The following CTNNA3 variants were observed in gnomAD, a reference collection of about 807,000 sequenced individuals.
The protein encoded by CTNNA3 is catenin alpha 3, also known as catenin alpha-3.
CTNNA3 carries 76 observed loss-of-function variants against 95.7 expected under a neutral mutation model. The ratio of observed to expected loss-of-function variants is 0.79; its 90% CI spans 0.66 to 0.96. CTNNA3 has a LOEUF of 0.96. Among genes scored for constraint, CTNNA3 ranks in the 40% least tolerant of loss-of-function variants. The pLI is 0.00. For missense variants in CTNNA3, 1,191 were observed against 1,089.8 expected (o/e 1.09, Z -1.31); for synonymous variants, 431 against 374.4 (o/e 1.15, Z -1.74).
At chr10:67,327,410 T>C (rs1841583117) in intron 5 of CTNNA3, among the ~76,000 whole-genome samples, 1 of 152,240 alleles carries the variant, frequency 6.6e-6, no homozygotes, top group Non-Finnish European at 1.5e-5. Context: ...TTTTTCCTTT[T>C]ATCCTATTTG....
At chr10:67,034,930 C>A (rs1203245429) in intron 7 of CTNNA3, among the ~76,000 whole-genome samples, 1 of 152,138 alleles carries the variant, frequency 6.6e-6, no homozygotes, top group Non-Finnish European at 1.5e-5. Context: ...TTTCTTCTGG[C>A]CTTCTTACTG....
At chr10:67,443,232 T>A (rs1163159403) in intron 5 of CTNNA3, among the ~76,000 whole-genome samples, 1 of 151,338 alleles carries the variant, frequency 6.6e-6, no homozygotes, top group African/African-American at 2.4e-5. Flanking sequence ...TCTTTGCTAT[T>A]GTGAAGAGTG....
intron 12 of CTNNA3, among the ~76,000 whole-genome samples, chr10:66,306,766 T>G (rs2091940362): frequency 1.3e-5 from 2 of 152,058 alleles, no homozygotes; most frequent in African/African-American, 4.8e-5. Flanking sequence ...ATAGTGGAGT[T>G]AAGAAAAAAA....
chr10:67,353,163 G>A (rs903983233), intron 5 of CTNNA3, among the ~76,000 whole-genome samples: 1 of 151,990 alleles, frequency 6.6e-6, no homozygotes, highest in African/African-American at 2.4e-5. Context: ...TCCACAAAAT[G>A]TAGATGATAG....
chr10:65,973,166 G>T (rs1239832103), intron 16 of CTNNA3, among the ~76,000 whole-genome samples: 1 of 152,038 alleles, frequency 6.6e-6, no homozygotes, highest in East Asian at 1.9e-4. Flanking sequence ...GAATTAAACT[G>T]GACCCCTATT....
chr10:67,094,797 A>G (rs1021126465), intron 7 of CTNNA3, among the ~76,000 whole-genome samples: 11 of 151,774 alleles, frequency 7.2e-5, no homozygotes, highest in African/African-American at 2.7e-4. Context: ...TTACCTGAAC[A>G]CAATTTGAAA....
intron 7 of CTNNA3, among the ~76,000 whole-genome samples, chr10:66,860,032 G>A (rs1446388903): frequency 3.9e-5 from 4 of 101,884 alleles, no homozygotes; most frequent in Non-Finnish European, 7.7e-5. Flanking sequence ...GGGGGGAGGG[G>A]GGAGGGATAG....
intron 7 of CTNNA3, among the ~76,000 whole-genome samples, chr10:66,902,390 TG>T (rs1459435304): frequency 6.6e-6 from 1 of 152,084 alleles, no homozygotes; most frequent in Non-Finnish European, 1.5e-5. Context: ...AGTATGTAGA[TG>T]GAAATTTATA....
intron 3 of CTNNA3, among the ~76,000 whole-genome samples, chr10:67,595,547 T>C (rs1291445574): frequency 2.0e-5 from 3 of 152,146 alleles, no homozygotes; most frequent in African/African-American, 4.8e-5. Flanking sequence ...AATTGCTTTA[T>C]AGCTGAGCAT....
At chr10:67,115,272 G>T (rs1859116927) in intron 7 of CTNNA3, among the ~76,000 whole-genome samples, 1 of 151,290 alleles carries the variant, frequency 6.6e-6, no homozygotes, top group East Asian at 2.0e-4. Context: ...ATAAAAATGA[G>T]ATAGACAGAT....
intron 12 of CTNNA3, among the ~76,000 whole-genome samples, chr10:66,344,284 G>T (rs1668609488): frequency 1.3e-5 from 2 of 149,930 alleles, no homozygotes; most frequent in Admixed American, 1.3e-4. Context: ...TTGTTTGTTT[G>T]AGAAAGAGTC....
rs186925264 is a variant in CTNNA3 at position 66,866,354 on chromosome 10, T to C, written c.1048-90830A>G. Among the ~76,000 whole-genome samples, 4 of 152,356 alleles carry C rather than the reference T, an allele frequency of 2.6e-5. No individual in the cohort carries two copies. In the East Asian group the frequency reaches 7.7e-4, roughly 29 times the overall value. ...ATCTCTGAAGAAAGAGATTAGGTCT[T>C]CACCTTTGCATCCTCCACTAGAGCT... On this transcript the variant is annotated intron_variant, in intron 7 of 17. Coordinates refer to ENST00000433211, the MANE Select transcript of CTNNA3 (RefSeq NM_013266.4).
At chr10:66,813,974 T>C (rs10997394) in intron 7 of CTNNA3, among the ~76,000 whole-genome samples, 79,144 of 151,830 alleles carry the variant, frequency 0.52, 21,786 homozygotes, top group East Asian at 0.76. Flanking sequence ...GGCAGTGACA[T>C]TGGAGACAAA....
chr10:67,276,867 T>C (rs571205991), intron 5 of CTNNA3, among the ~76,000 whole-genome samples: 23 of 151,914 alleles, frequency 1.5e-4, no homozygotes, highest in Admixed American at 6.6e-4. Flanking sequence ...TATATATACA[T>C]TGTGGTTCTA....
chr10:66,574,376 T>C (rs1342045379), intron 10 of CTNNA3, among the ~76,000 whole-genome samples: 1 of 152,060 alleles, frequency 6.6e-6, no homozygotes, highest in Non-Finnish European at 1.5e-5. Flanking sequence ...GGTTCTACCA[T>C]GTTTTTGTAA....
Position 66,030,735 on chromosome 10 carries a change from C to A in CTNNA3, c.2159+38573G>T, listed in dbSNP as rs147239191. Among the ~76,000 whole-genome samples the A allele has an allele frequency of 2.6e-3, 395 of 152,170 alleles. 1 individual carries two copies. The highest frequency in any genetic ancestry group is 9.0e-3 in the African/African-American group (372 of 41,532). The stretch of plus-strand genomic sequence containing the variant: ...ATCTAATTAAATGAAAGAGGTTCTG[C>A]ACAGCAAAATAAATTACCAACAGAT... On this transcript the variant is annotated intron_variant, in intron 15 of 17. Transcript: ENST00000433211.
chr10:67,389,130 A>G (rs7332412), intron 5 of CTNNA3, among the ~76,000 whole-genome samples: 1 of 148,220 alleles, frequency 6.7e-6, no homozygotes, highest in South Asian at 2.2e-4. Flanking sequence ...TGGATAAAGA[A>G]TCAAGACCCA....
At chr10:67,552,422 C>T (rs1211734512) in intron 3 of CTNNA3, among the ~76,000 whole-genome samples, 2 of 151,824 alleles carry the variant, frequency 1.3e-5, no homozygotes, top group African/African-American at 2.4e-5. Flanking sequence ...GTTACCTGTA[C>T]ATCGACGCCC....
In CTNNA3 at chr10:67,070,484, C is replaced by T. The variant is rs185994698; in HGVS notation, c.1047+109833G>A. On this transcript the variant is annotated intron_variant, in intron 7 of 17. Coordinates refer to ENST00000433211, the MANE Select transcript of CTNNA3 (RefSeq NM_013266.4). Reference sequence around the variant, plus strand: ...ATCCTTGTGGCGGGGAGCAGTGTCTCGTGCCTGTAATCTCAGCACTTTGGG... The same window carrying T: ...ATCCTTGTGGCGGGGAGCAGTGTCTTGTGCCTGTAATCTCAGCACTTTGGG... Among the ~76,000 whole-genome samples, 173 of 152,110 alleles carry T rather than the reference C, an allele frequency of 1.1e-3. 1 individual carries two copies. The East Asian group carries it at 0.022, about 20-fold the overall frequency.
Sources: allele counts gnomAD v4.1 joint callset (sites outside exome capture counted in the v4.1 genomes callset), GRCh38; gene constraint gnomAD v4.1.1; transcripts MANE v1.5; gene names NCBI Gene and HGNC (gene_info 2026-07-23, HGNC 2026-07-21).